The following KCNIP4 variants were observed in gnomAD, a reference collection of about 807,000 sequenced individuals.
The protein encoded by KCNIP4 is potassium voltage-gated channel interacting protein 4, also known as Kv channel-interacting protein 4.
In KCNIP4, 12 loss-of-function variants were observed where a neutral mutation model predicts 34.0. That is an observed-to-expected ratio of 0.35 (90% confidence interval 0.23 to 0.57). The LOEUF (loss-of-function observed/expected upper bound fraction) is 0.57, where lower values mean the gene tolerates loss of function less well. Among genes scored for constraint, KCNIP4 ranks in the 20% least tolerant of loss-of-function variants. The probability of loss-of-function intolerance (pLI) is 0.83; values close to 1 mark genes in which losing one functional copy is unlikely to be tolerated. For synonymous variants in KCNIP4, 124 were observed against 102.2 expected (o/e 1.21, Z -1.29); for missense variants, 238 against 311.7 (o/e 0.76, Z 1.78).
intron 1 of KCNIP4, chr4:21,849,773 A>C (rs1466444058): frequency 1.3e-5 from 2 of 152,170 alleles, no homozygotes; most frequent in African/African-American, 4.8e-5. Flanking sequence ...ATGCACAGCA[A>C]AAGAATTCAG....
At chr4:21,929,118 T>G (rs1364006399) in intron 1 of KCNIP4, among the ~76,000 whole-genome samples, 1 of 152,082 alleles carries the variant, frequency 6.6e-6, no homozygotes, top group Non-Finnish European at 1.5e-5. Context: ...TTTGTGTAAG[T>G]TTAAAAACAT....
intron 1 of KCNIP4, among the ~76,000 whole-genome samples, chr4:21,056,158 T>C (rs1235880246): frequency 6.6e-6 from 1 of 152,180 alleles, no homozygotes; most frequent in Admixed American, 6.5e-5. Flanking sequence ...CGTACATTTG[T>C]TGATATGGAA....
chr4:21,510,476 G>T (rs1734218442), intron 1 of KCNIP4, among the ~76,000 whole-genome samples: 1 of 151,988 alleles, frequency 6.6e-6, no homozygotes, highest in African/African-American at 2.4e-5. Flanking sequence ...AAAAAAATCA[G>T]GCAGATTTAG....
intron 1 of KCNIP4, among the ~76,000 whole-genome samples, chr4:21,543,891 G>C (rs1737912612): frequency 6.6e-6 from 1 of 152,056 alleles, no homozygotes; most frequent in South Asian, 2.1e-4. Flanking sequence ...ACGATGGAAT[G>C]TTAAATATAC....
intron 1 of KCNIP4, among the ~76,000 whole-genome samples, chr4:21,120,923 T>C (rs1750101902): frequency 6.6e-6 from 1 of 152,190 alleles, no homozygotes; most frequent in South Asian, 2.1e-4. Flanking sequence ...GCACTAGGGG[T>C]TAGAATTTCA....
At chr4:20,797,276 A>G (rs1163236182) in intron 3 of KCNIP4, among the ~76,000 whole-genome samples, 1 of 152,236 alleles carries the variant, frequency 6.6e-6, no homozygotes, top group Non-Finnish European at 1.5e-5. Context: ...AAACAAAATG[A>G]TATGTTGGTT....
At chr4:21,551,904 C>G (rs1383672765) in intron 1 of KCNIP4, among the ~76,000 whole-genome samples, 4 of 151,914 alleles carry the variant, frequency 2.6e-5, no homozygotes, top group Non-Finnish European at 5.9e-5. Context: ...ACTTCAGATA[C>G]AGTAAAATAT....
intron 1 of KCNIP4, among the ~76,000 whole-genome samples, chr4:21,921,408 A>G (rs1728934038): frequency 6.6e-6 from 1 of 152,190 alleles, no homozygotes; most frequent in African/African-American, 2.4e-5. Flanking sequence ...AATATACATT[A>G]CAAGGCTCAA....
intron 1 of KCNIP4, among the ~76,000 whole-genome samples, chr4:21,405,769 T>G (rs2109569390): frequency 6.6e-6 from 1 of 152,354 alleles, no homozygotes; most frequent in East Asian, 1.9e-4. Flanking sequence ...AGTCTGAGGT[T>G]GCTCTATCTC....
At chr4:21,874,992 AAAC>A (rs1726028850) in intron 1 of KCNIP4, among the ~76,000 whole-genome samples, 1 of 152,236 alleles carries the variant, frequency 6.6e-6, no homozygotes, top group African/African-American at 2.4e-5. Context: ...TTCTGACAAC[AAAC>A]AACGACAACT....
intron 2 of KCNIP4, among the ~76,000 whole-genome samples, chr4:20,854,823 G>A (rs746310255): frequency 7.9e-5 from 12 of 152,112 alleles, no homozygotes; most frequent in Non-Finnish European, 1.6e-4. Context: ...TTCTATTTAG[G>A]TCCATTTTGT....
intron 1 of KCNIP4, among the ~76,000 whole-genome samples, chr4:21,531,973 T>G (rs1029176117): frequency 6.6e-6 from 1 of 152,068 alleles, no homozygotes; most frequent in Non-Finnish European, 1.5e-5. Context: ...AAGTTAGGAA[T>G]GAGGTGGGTA....
intron 1 of KCNIP4, among the ~76,000 whole-genome samples, chr4:21,781,770 C>T (rs1719587402): frequency 6.6e-6 from 1 of 152,098 alleles, no homozygotes; most frequent in Middle Eastern, 3.4e-3. Flanking sequence ...AGTATATATA[C>T]ATGAGATATT....
intron 1 of KCNIP4, among the ~76,000 whole-genome samples, chr4:20,922,563 A>G (rs111883419): frequency 1.5e-3 from 202 of 131,028 alleles, no homozygotes; most frequent in East Asian, 3.2e-3. Flanking sequence ...CTATCTATCT[A>G]TCTATCTATC....
intron 1 of KCNIP4, among the ~76,000 whole-genome samples, chr4:21,639,801 T>G (rs1414238088): frequency 6.6e-6 from 1 of 152,184 alleles, no homozygotes; most frequent in Non-Finnish European, 1.5e-5. Flanking sequence ...AGTATGTCTA[T>G]TCTAATTATA....
At chr4:20,740,978 C>A (rs1169968907) in intron 5 of KCNIP4, among the ~76,000 whole-genome samples, 1 of 152,108 alleles carries the variant, frequency 6.6e-6, no homozygotes, top group Non-Finnish European at 1.5e-5. Flanking sequence ...ACAAAGAAGG[C>A]TATTACATAA....
intron 1 of KCNIP4, among the ~76,000 whole-genome samples, chr4:21,315,969 A>G (rs1713710462): frequency 6.6e-6 from 1 of 152,186 alleles, no homozygotes. Context: ...GACTGTGTTC[A>G]CACTCTGTGT....
chr4:21,359,665 C>T (rs1033914264), intron 1 of KCNIP4, among the ~76,000 whole-genome samples: 1 of 152,018 alleles, frequency 6.6e-6, no homozygotes, highest in African/African-American at 2.4e-5. Context: ...CTCTTAAACT[C>T]ATCTTTGAAA....
chr4:21,426,535 C>T (rs537771707), intron 1 of KCNIP4, among the ~76,000 whole-genome samples: 1 of 152,102 alleles, frequency 6.6e-6, no homozygotes, highest in Non-Finnish European at 1.5e-5. Context: ...ATTTTGGAAA[C>T]ATTTTTGTGG....
Sources: allele counts gnomAD v4.1 joint callset (sites outside exome capture counted in the v4.1 genomes callset), GRCh38; gene constraint gnomAD v4.1.1; transcripts MANE v1.5; gene names NCBI Gene and HGNC (gene_info 2026-07-23, HGNC 2026-07-21).